Variants in STOML3 observed in about 807,000 individuals in gnomAD.
The protein encoded by STOML3 is stomatin-like protein 3.
In STOML3, 31 loss-of-function variants were observed where a neutral mutation model predicts 29.5. The ratio of observed to expected loss-of-function variants is 1.05; its 90% CI spans 0.79 to 1.42. The LOEUF (loss-of-function observed/expected upper bound fraction) is 1.42. Among genes scored for constraint, STOML3 ranks in the 40% most tolerant of loss-of-function variants. The pLI, the probability that STOML3 is intolerant of heterozygous loss-of-function variation, is 0.00. For synonymous variants in STOML3, 122 were observed against 139.8 expected, an observed-to-expected ratio of 0.87 and a Z score of 0.90; for missense variants, 380 against 363.0, an observed-to-expected ratio of 1.05 and a Z score of -0.38.
At position 38,990,815 on chromosome 13, in the gene STOML3, G is replaced by A. The variant is rs1262423411; in HGVS notation, c.-94C>T. On this transcript the variant is annotated 5_prime_UTR_variant, in exon 1 of 7. Transcript: ENST00000379631. The stretch of plus-strand genomic sequence containing the variant: ...AGCAACTCAGATGTGCTTGGGAGAG[G>A]GGAGAGGAGAAAGTATGAGAGAGTG... 8.7e-7 allele frequency: 1 copy of A among 1,147,104 alleles called. No homozygotes were observed. Among genetic ancestry groups the A allele is most frequent in the South Asian group, 1.4e-5 (1 of 73,710 alleles). 71.1% of individuals were successfully genotyped at this position (1,147,104 alleles called of 1,614,324 possible).
chr13:38,985,438 T>A (rs866007427), intron 1 of STOML3, among the ~76,000 whole-genome samples: 37 of 151,926 alleles, frequency 2.4e-4, no homozygotes, highest in Admixed American at 8.5e-4. Flanking sequence ...CAAAAAAAAA[T>A]TTAAAAAAAG....
At chr13:38,989,046 T>A (rs1274634632) in intron 1 of STOML3, among the ~76,000 whole-genome samples, 1 of 147,484 alleles carries the variant, frequency 6.8e-6, no homozygotes, top group East Asian at 1.9e-4. Flanking sequence ...TATGTTATAT[T>A]GTATTATATA....
intron 4 of STOML3, 26 bp downstream of exon 4, chr13:38,972,486 A>C (rs1566204476): frequency 6.3e-7 from 1 of 1,597,192 alleles, no homozygotes; most frequent in South Asian, 1.1e-5. Context: ...TTTAATTTCG[A>C]GTGACATATC....
At chr13:38,977,087 C>T (rs1340844366) in intron 1 of STOML3, among the ~76,000 whole-genome samples, 1 of 152,178 alleles carries the variant, frequency 6.6e-6, no homozygotes, top group Non-Finnish European at 1.5e-5. Flanking sequence ...TTATTATTCT[C>T]AAAACACATA....
chr13:38,967,000 G>T lies in STOML3; in HGVS notation c.701C>A (p.Ala234Asp). ...GGGAGACTCAGCCAGCACCATGGAG[G>T]CTGACTTCAGGGATTTGGAAGCATT... ...EMNASKSLKSASMVLAESPIA... is the reference protein window; with the variant it reads ...EMNASKSLKSDSMVLAESPIA... The change falls in exon 7 of 7, where the codon GCC (alanine) becomes GAC (aspartate). Residue 234 changes from alanine to aspartate, a missense_variant. Ala to Asp is a moderately radical substitution (Grantham distance 126, BLOSUM62 -2). Coordinates refer to ENST00000379631, the MANE Select transcript of STOML3 (RefSeq NM_145286.3). 1 of 1,614,092 alleles carries T rather than the reference G, an allele frequency of 6.2e-7. No individual in the cohort carries two copies. Among genetic ancestry groups the T allele is most frequent in the East Asian group, 2.2e-5 (1 of 44,872 alleles).
At chr13:38,989,135 TA>T (rs1868892635) in intron 1 of STOML3, among the ~76,000 whole-genome samples, 1 of 151,524 alleles carries the variant, frequency 6.6e-6, no homozygotes, top group Non-Finnish European at 1.5e-5. Context: ...GTATCTCTCC[TA>T]AAAAACTACA....
At chr13:38,972,727 ACT>A (rs1880923941) in intron 3 of STOML3, 133 bp from the exon 4 acceptor site, 2 of 706,318 alleles carry the variant, frequency 2.8e-6, no homozygotes, top group Admixed American at 2.7e-5. Flanking sequence ...CACACATGAA[ACT>A]CTGAGGAAAA....
At chr13:38,968,154 A>G (rs954171982) in intron 6 of STOML3, among the ~76,000 whole-genome samples, 2 of 152,138 alleles carry the variant, frequency 1.3e-5, no homozygotes, top group Non-Finnish European at 2.9e-5. Context: ...GTTGGGACCT[A>G]CTTGGCTAAG....
Position 38,970,284 on chromosome 13 carries a change from T to C in STOML3, c.417A>G (p.Ala139=). 1 of 1,614,222 alleles carries C rather than the reference T, an allele frequency of 6.2e-7. No homozygotes were observed. The highest frequency in any genetic ancestry group is 8.5e-7 in the Non-Finnish European group (1 of 1,180,032). ...GAGTGGTTTGAGCCAGCAGAAATGT[T>C]GCTTGATGGACATCGTTGACATTAG... ...AVANVNDVHQ[A]TFLLAQTTLR... is the part of the protein sequence containing the mutation. Residue 139 remains alanine (A), a synonymous_variant, in exon 5 of 7, where the codon GCA becomes GCG. Transcript: ENST00000379631.
In STOML3 at chr13:38,966,861, G is replaced by A. The variant is rs755297816; in HGVS notation, c.840C>T (p.Ser280=). Residue 280 remains serine (S), a synonymous_variant, in exon 7 of 7, where the codon AGC becomes AGT. Transcript: ENST00000379631. The stretch of plus-strand genomic sequence containing the variant: ...TTGGAAGCTTCTTGTGGTTATCATA[G>A]CTGACGCCACCAATGCCCTCTAGTA... ...MNILEGIGGV[S]YDNHKKLPNK... 4.3e-6 allele frequency: 7 copies of A among 1,613,550 alleles called. No homozygotes were observed. The African/African-American group carries it at 9.4e-5, about 22-fold the overall frequency.
intron 3 of STOML3, among the ~76,000 whole-genome samples, chr13:38,973,093 TACTAAAAAAAAAAAAAA>T: frequency 1.4e-5 from 1 of 69,996 alleles, no homozygotes; most frequent in African/African-American, 5.7e-5. Flanking sequence ...GCCCCGTCTC[TACTAAAAAAAAAAAAAA>T]AAAAAAAAAA....
At chr13:38,974,291 G>T (rs2138011972) in intron 3 of STOML3, among the ~76,000 whole-genome samples, 1 of 152,030 alleles carries the variant, frequency 6.6e-6, no homozygotes, top group South Asian at 2.1e-4. Context: ...CCAGTTCTGG[G>T]GCCAAACACC....
chr13:38,972,473 A>G, intron 4 of STOML3, 39 bp downstream of exon 4: 1 of 1,576,990 alleles, frequency 6.3e-7, no homozygotes, highest in African/African-American at 1.4e-5. Context: ...GAGAAAATAC[A>G]AGTTTAATTT....
At chr13:38,973,421 C>T (rs889539944) in intron 3 of STOML3, among the ~76,000 whole-genome samples, 1 of 152,194 alleles carries the variant, frequency 6.6e-6, no homozygotes, top group African/African-American at 2.4e-5. Flanking sequence ...TATAGTTCTG[C>T]AGCCTGGGAA....
At chr13:38,974,175 G>A (rs1566205346) in intron 3 of STOML3, among the ~76,000 whole-genome samples, 1 of 152,124 alleles carries the variant, frequency 6.6e-6, no homozygotes, top group Non-Finnish European at 1.5e-5. Flanking sequence ...TACTGTGAGA[G>A]CTACAAAGAT....
At chr13:38,978,239 C>T (rs907625898) in intron 1 of STOML3, among the ~76,000 whole-genome samples, 7 of 152,012 alleles carry the variant, frequency 4.6e-5, no homozygotes, top group African/African-American at 1.7e-4. Context: ...CTGCAACTTC[C>T]ATCTCCCAGG....
chr13:38,981,338 A>G (rs1881261337), intron 1 of STOML3, among the ~76,000 whole-genome samples: 1 of 152,160 alleles, frequency 6.6e-6, no homozygotes, highest in Non-Finnish European at 1.5e-5. Context: ...AGCTGTTTAC[A>G]CCAGAGGAGA....
In STOML3 at chr13:38,988,324, A is replaced by C. The variant is rs1405195941; in HGVS notation, c.52+2346T>G. Among the ~76,000 whole-genome samples, 6 of 88,028 alleles carry C rather than the reference A, an allele frequency of 6.8e-5. 1 individual carries two copies. Among genetic ancestry groups the C allele is most frequent in the Non-Finnish European group, 1.1e-4 (6 of 54,322 alleles). 57.7% of individuals were successfully genotyped at this position (88,028 alleles called of 152,430 possible). ...ATATATTTTATATATAATATATTAT[A>C]TTTTATATATAATATATTATATTTT... On this transcript the variant is annotated intron_variant, in intron 1 of 6. Coordinates refer to ENST00000379631, the MANE Select transcript of STOML3 (RefSeq NM_145286.3).
intron 4 of STOML3, among the ~76,000 whole-genome samples, chr13:38,971,543 G>T (rs1196152479): frequency 6.6e-6 from 1 of 152,178 alleles, no homozygotes; most frequent in Non-Finnish European, 1.5e-5. Flanking sequence ...TTATGAGAGG[G>T]TGATATGATA....
Sources: gnomAD v4.1 joint callset for allele counts (sites outside exome capture counted in the v4.1 genomes callset) on GRCh38, gnomAD v4.1.1 for gene constraint, MANE v1.5 for transcripts, NCBI Gene and HGNC (gene_info 2026-07-23, HGNC 2026-07-21) for gene names.